The following LRRC34 variants were observed in gnomAD, a reference collection of about 807,000 sequenced individuals.
LRRC34 encodes leucine-rich repeat-containing protein 34.
A neutral mutation model predicts 48.5 loss-of-function variants in LRRC34; 44 were observed. The ratio of observed to expected loss-of-function variants is 0.91; its 90% CI spans 0.71 to 1.17. The LOEUF is 1.17. Among genes scored for constraint, LRRC34 ranks in the 50% most tolerant of loss-of-function variants. The pLI is 0.00. For missense variants in LRRC34, 502 were observed against 563.0 expected, an observed-to-expected ratio of 0.89 and a Z score of 1.10; for synonymous variants, 192 against 197.6, an observed-to-expected ratio of 0.97 and a Z score of 0.24.
intron 1 of LRRC34, among the ~76,000 whole-genome samples, chr3:169,811,175 AG>A (rs1303527050): frequency 2.6e-5 from 4 of 152,218 alleles, no homozygotes; most frequent in Non-Finnish European, 5.9e-5. Context: ...TAGAAGTTGG[AG>A]CTGGGCTCCC....
intron 6 of LRRC34, among the ~76,000 whole-genome samples, chr3:169,802,379 G>GT (rs1282597952): frequency 2.6e-5 from 4 of 152,158 alleles, no homozygotes; most frequent in Non-Finnish European, 5.9e-5. Context: ...CTCTCCATGA[G>GT]TTTTTTCTCA....
In LRRC34 at chr3:169,793,618, A is replaced by AT. The variant is rs767950590; in HGVS notation, c.*16dup. 1.3e-6 allele frequency: 2 copies of AT among 1,569,064 alleles called. No individual in the cohort carries two copies. Among genetic ancestry groups the AT allele is most frequent in the Non-Finnish European group, 1.8e-6 (2 of 1,142,706 alleles). ...ACAATAAGACAAGTGTATGAAAATTATTTTACAGCTACTTTTTCATGGCTG... is the reference window on the plus strand; with the variant it reads ...ACAATAAGACAAGTGTATGAAAATTATTTTTACAGCTACTTTTTCATGGCTG... On this transcript the variant is annotated 3_prime_UTR_variant, in exon 11 of 11. Transcript: ENST00000446859.
At position 169,812,523 on chromosome 3, in the gene LRRC34, A is replaced by C. The variant is rs989831829; in HGVS notation, c.26T>G (p.Val9Gly). The C allele has an allele frequency of 2.6e-6, 4 of 1,512,150 alleles. No homozygotes were observed. The Admixed American group carries it at 6.3e-5, about 24-fold the overall frequency. 93.7% of individuals were successfully genotyped at this position (1,512,150 alleles called of 1,614,324 possible). The change falls in exon 1 of 11, where the codon GTG becomes GGG. Residue 9 changes from valine to glycine, a missense_variant. Transcript: ENST00000446859. The surrounding 1 kb of genome is among the most constrained non-coding windows in gnomAD (Gnocchi z 4.3). MAAQPPRP[V>G]GERSMGSSRE... is the part of the protein sequence containing the mutation. ...GGAGCTCCCCATGCTCCTCTCACCC[A>C]CTGGCCGCGGCGGCTGCGCTGCCAT...
At position 169,801,184 on chromosome 3, in the gene LRRC34, C is replaced by A. The variant is rs561466208; in HGVS notation, c.658-430G>T. ...TCACATTTTTCACAGATCCCATAGG[C>A]CTCTCTTGCTCTATCTGACTGGAAG... On this transcript the variant is annotated intron_variant, in intron 6 of 10. Coordinates refer to ENST00000446859, the MANE Select transcript of LRRC34 (RefSeq NM_001172779.2). 9.2e-4 allele frequency among the ~76,000 whole-genome samples: 140 copies of A among 152,284 alleles called. 2 individuals are homozygous for A. The South Asian group carries it at 0.027, about 29-fold the overall frequency.
chr3:169,811,895 C>A (rs1322026711), intron 1 of LRRC34, among the ~76,000 whole-genome samples: 1 of 152,192 alleles, frequency 6.6e-6, no homozygotes, highest in Non-Finnish European at 1.5e-5. Context: ...TTAAAACCAG[C>A]ATATAAAACG....
intron 2 of LRRC34, among the ~76,000 whole-genome samples, 181 bp downstream of exon 2, chr3:169,808,447 C>T (rs938097522): frequency 6.6e-6 from 1 of 151,634 alleles, no homozygotes; most frequent in African/African-American, 2.4e-5. Flanking sequence ...TTCCTGAATA[C>T]TATACCACCT....
Position 169,808,838 on chromosome 3 carries a change from T to A in LRRC34, c.140-93A>T, listed in dbSNP as rs990936395. The A allele has an allele frequency of 7.1e-6, 5 of 699,526 alleles. No homozygotes were observed. In the Admixed American group the frequency reaches 8.4e-5, roughly 12 times the overall value. The allele number at this position is 699,526 out of a possible 1,614,324, so 43.3% of individuals were successfully genotyped here. A position where few individuals can be genotyped will look rare whatever the true frequency, so the allele number is the denominator to read the frequency against. ...CTACCTCTTTCAAATATATGAGTTG[T>A]ATGTGTGTATAGTGGGGGTAGGGAA... On this transcript the variant is annotated intron_variant, in intron 1 of 10. Transcript: ENST00000446859.
intron 5 of LRRC34, 109 bp downstream of exon 5, chr3:169,806,739 C>A: frequency 1.7e-6 from 1 of 604,830 alleles, no homozygotes. Flanking sequence ...AATATACATT[C>A]CTACAATATT....
chr3:169,810,858 A>T (rs533001062), intron 1 of LRRC34, among the ~76,000 whole-genome samples: 12 of 152,380 alleles, frequency 7.9e-5, no homozygotes, highest in Admixed American at 4.6e-4. Context: ...TGAGGCCAGG[A>T]GTTCGAGACC....
At chr3:169,801,299 CCT>C (rs1779179983) in intron 6 of LRRC34, among the ~76,000 whole-genome samples, 1 of 152,136 alleles carries the variant, frequency 6.6e-6, no homozygotes. Context: ...CTCTGCCATT[CCT>C]CTTACCTTCC....
At chr3:169,805,331 C>T (rs1779333888) in intron 5 of LRRC34, among the ~76,000 whole-genome samples, 1 of 152,110 alleles carries the variant, frequency 6.6e-6, no homozygotes, top group African/African-American at 2.4e-5. Context: ...TATACAAAAA[C>T]AGCTGTATTT....
chr3:169,797,212 T>A (rs1166468766), intron 7 of LRRC34, among the ~76,000 whole-genome samples: 1 of 152,068 alleles, frequency 6.6e-6, no homozygotes, highest in Non-Finnish European at 1.5e-5. Flanking sequence ...GAAAAAAAAA[T>A]TGGTCCCATC....
At chr3:169,798,928 T>C (rs1268214299) in intron 7 of LRRC34, among the ~76,000 whole-genome samples, 1 of 152,192 alleles carries the variant, frequency 6.6e-6, no homozygotes, top group African/African-American at 2.4e-5. Flanking sequence ...AGACAAGTGC[T>C]ATGTAATTTA....
intron 2 of LRRC34, among the ~76,000 whole-genome samples, chr3:169,808,270 C>A (rs1395341901): frequency 6.7e-6 from 1 of 149,654 alleles, no homozygotes; most frequent in African/African-American, 2.5e-5. Context: ...GCCGAGATCA[C>A]GCCACTGCAC....
chr3:169,810,839 C>T lies in LRRC34; in HGVS notation c.139+1571G>A, dbSNP rs541164529. On this transcript the variant is annotated intron_variant, in intron 1 of 10. Transcript: ENST00000446859. ...CAGCACTTTGGGAGGCCGAGGCGAG[C>T]GGATCACTTGAGGCCAGGAGTTCGA... 1.5e-4 allele frequency among the ~76,000 whole-genome samples: 23 copies of T among 152,288 alleles called. No individual in the cohort carries two copies. The South Asian group carries it at 4.1e-3, about 27-fold the overall frequency.
intron 2 of LRRC34, 66 bp from the exon 3 acceptor site, chr3:169,807,775 A>G: frequency 6.9e-7 from 1 of 1,455,332 alleles, no homozygotes; most frequent in Non-Finnish European, 9.1e-7. Context: ...TAAAGAAGTA[A>G]AAGTATGTTT....
intron 1 of LRRC34, among the ~76,000 whole-genome samples, chr3:169,811,722 C>T (rs1576752324): frequency 1.3e-5 from 2 of 152,200 alleles, no homozygotes; most frequent in Admixed American, 6.5e-5. Flanking sequence ...TGAGTCAGAA[C>T]GTGGGTGCCC....
Position 169,793,582 on chromosome 3 carries a change from ATC to A in LRRC34, c.*51_*52del. ...AAAGAAAATAGGCTATAGAATATTA[ATC>A]TCTGTGAAACAATAAGACAAGTGTA... is the stretch of plus-strand genomic sequence containing the variant. On this transcript the variant is annotated 3_prime_UTR_variant, in exon 11 of 11. Coordinates refer to ENST00000446859, the MANE Select transcript of LRRC34 (RefSeq NM_001172779.2). The A allele has an allele frequency of 7.7e-7, 1 of 1,291,612 alleles. No individual in the cohort carries two copies. The highest frequency in any genetic ancestry group is 1.5e-5 in the African/African-American group (1 of 67,446). The allele number at this position is 1,291,612 out of a possible 1,614,324, so 80.0% of individuals were successfully genotyped here.
At chr3:169,807,016 GTATA>G (rs2108243818) in intron 4 of LRRC34, 85 bp from the exon 5 acceptor site, 1 of 635,614 alleles carries the variant, frequency 1.6e-6, no homozygotes, top group East Asian at 2.9e-5. Context: ...TACACATACA[GTATA>G]TACTTTATTT....
Sources: gnomAD v4.1 joint callset for allele counts (sites outside exome capture counted in the v4.1 genomes callset) on GRCh38, gnomAD v4.1.1 for gene constraint, Gnocchi (gnomAD v3.1) non-coding constraint, MANE v1.5 for transcripts, NCBI Gene and HGNC (gene_info 2026-07-23, HGNC 2026-07-21) for gene names.